GGA3: variants seen among roughly 807,000 people sequenced by gnomAD.
GGA3 encodes the protein ADP-ribosylation factor-binding protein GGA3.
A neutral mutation model predicts 77.5 loss-of-function variants in GGA3; 57 were observed. The ratio of observed to expected loss-of-function variants is 0.74; its 90% CI spans 0.59 to 0.92. The LOEUF (loss-of-function observed/expected upper bound fraction) is 0.92. GGA3 is among the 40% of genes least tolerant of loss of function. The pLI, the probability that GGA3 is intolerant of heterozygous loss-of-function variation, is 0.00. For missense variants in GGA3, 970 were observed against 914.9 expected (o/e 1.06, Z -0.78); for synonymous variants, 416 against 383.7 (o/e 1.08, Z -0.98).
chr17:75,243,672 G>A (rs2076655198), intron 4 of GGA3, 102 bp from the exon 5 acceptor site: 3 of 1,180,846 alleles, frequency 2.5e-6, no homozygotes, highest in Non-Finnish European at 2.4e-6. Flanking sequence ...AGCAGCTATG[G>A]TCCTACTCAA....
upstream of GGA3, chr17:75,262,094 G>C: frequency 1.5e-6 from 2 of 1,297,610 alleles, no homozygotes; most frequent in Non-Finnish European, 2.1e-6. Flanking sequence ...GGAGTATCTG[G>C]ATTCAAGCTT....
At position 75,245,339 on chromosome 17, in the gene GGA3, T is replaced by A. The variant is rs2076716337; in HGVS notation, c.202-622A>T. ...TCTCAGGTGAGGCCTGGCTGACATT[T>A]TGGGCTGGTCATTCTTCGTTGTGGG... On this transcript the variant is annotated intron_variant, in intron 3 of 16. Coordinates refer to ENST00000537686, the MANE Select transcript of GGA3 (RefSeq NM_138619.4). Among the ~76,000 whole-genome samples the A allele has an allele frequency of 2.6e-5, 4 of 152,150 alleles. No individual in the cohort carries two copies. In the South Asian group the frequency reaches 8.3e-4, roughly 31 times the overall value.
At chr17:75,261,728 C>A, upstream of GGA3, 1 of 1,138,188 alleles carries the variant, frequency 8.8e-7, no homozygotes, top group Non-Finnish European at 1.2e-6. Context: ...ACAGGGAGGG[C>A]AAGGGTTTCC....
intron 2 of GGA3, 21 bp downstream of exon 2, chr17:75,246,691 C>T: frequency 1.2e-6 from 2 of 1,602,188 alleles, no homozygotes; most frequent in Non-Finnish European, 1.7e-6. Context: ...TCTCAGCTGC[C>T]CCCACAGTGC....
chr17:75,240,454 C>A (rs888037476), intron 11 of GGA3, 42 bp from the exon 12 acceptor site: 3 of 1,314,300 alleles, frequency 2.3e-6, no homozygotes, highest in African/African-American at 2.9e-5. Context: ...AGGCTCTGAG[C>A]TAGGCAGCCC....
At chr17:75,257,512 G>A (rs2077198042) in intron 1 of GGA3, among the ~76,000 whole-genome samples, 1 of 152,034 alleles carries the variant, frequency 6.6e-6, no homozygotes. Context: ...AATCTCCTTA[G>A]GCACTCTCTA....
intron 1 of GGA3, among the ~76,000 whole-genome samples, chr17:75,248,524 C>T (rs1323836450): frequency 3.6e-5 from 5 of 138,222 alleles, no homozygotes; most frequent in Non-Finnish European, 6.1e-5. Flanking sequence ...CAGTGGCTCA[C>T]GCCTGTAATC....
In GGA3 at chr17:75,238,518, C is replaced by T. The variant is rs755641067; in HGVS notation, c.2062-129G>A. 9.1e-6 allele frequency: 9 copies of T among 988,144 alleles called. No individual in the cohort carries two copies. The South Asian group carries it at 1.0e-4, about 11-fold the overall frequency. The allele number at this position is 988,144 out of a possible 1,614,324, so 61.2% of individuals were successfully genotyped here. A position where few individuals can be genotyped will look rare whatever the true frequency, so the allele number is the denominator to read the frequency against. On this transcript the variant is annotated intron_variant, in intron 16 of 16. Transcript: ENST00000537686. ...CGCAACCCCCAACCATGCTCAGACA[C>T]TTAACCTAAGGCAGCAAAGGGATGT...
Position 75,246,673 on chromosome 17 carries a change from C to T in GGA3, c.125+39G>A. On this transcript the variant is annotated intron_variant, in intron 2 of 16. Transcript: ENST00000537686. Reference sequence around the variant, plus strand: ...GGCCATGGTTGTTCCCCTTCCCAGTCCGCTCCCTCTCAGCTGCCCCCACAG... The same window carrying T: ...GGCCATGGTTGTTCCCCTTCCCAGTTCGCTCCCTCTCAGCTGCCCCCACAG... The T allele has an allele frequency of 1.9e-6, 3 of 1,598,212 alleles. 1 individual carries two copies. In the South Asian group the frequency reaches 3.3e-5, roughly 18 times the overall value.
rs771131815 is a variant in GGA3 at position 75,238,725 on chromosome 17, T to G, written c.1988A>C (p.Glu663Ala). The change falls in exon 16 of 17, where the codon GAA (glutamate) becomes GCA (alanine). Residue 663 changes from glutamate to alanine, a missense_variant. Glu to Ala is a moderately radical substitution (Grantham distance 107). Coordinates refer to ENST00000537686, the MANE Select transcript of GGA3 (RefSeq NM_138619.4). The stretch of plus-strand genomic sequence containing the variant: ...CTGGATGGGGCTAAATGGAGAGAGT[T>G]CTGTCCCAGAAGGTGGCTGCAACTT... The part of the protein sequence containing the change: ...KVKLQPPSGT[E>A]LSPFSPIQPP... The G allele has an allele frequency of 2.5e-6, 4 of 1,613,748 alleles. No homozygotes were observed. In the African/African-American group the frequency reaches 5.3e-5, roughly 22 times the overall value.
intron 1 of GGA3, among the ~76,000 whole-genome samples, chr17:75,249,543 C>T (rs1598424117): frequency 6.6e-6 from 1 of 152,206 alleles, no homozygotes; most frequent in Non-Finnish European, 1.5e-5. Flanking sequence ...GTCTCTCCCA[C>T]CAATTGTCTG....
Position 75,239,448 on chromosome 17 carries a change from G to T in GGA3, c.1707C>A (p.Ser569=). ...SPLFQPLSFQ[S]QGSPPKGPEL... ...CAGGCCCCTTCGGGGGGCTGCCCTG[G>T]GACTGGAAACTCAGTGGCTGGAAGA... The change falls in exon 14 of 17, where the codon TCC becomes TCA. Residue 569 remains serine, a synonymous_variant. Coordinates refer to ENST00000537686, the MANE Select transcript of GGA3 (RefSeq NM_138619.4). 6.3e-7 allele frequency: 1 copy of T among 1,581,010 alleles called. No homozygotes were observed. The highest frequency in any genetic ancestry group is 1.2e-5 in the South Asian group (1 of 86,002).
Position 75,237,512 on chromosome 17 carries a change from C to A in GGA3, c.*767G>T, listed in dbSNP as rs1252635975. 1 of 1,536,020 alleles carries A rather than the reference C, an allele frequency of 6.5e-7. No individual in the cohort carries two copies. The highest frequency in any genetic ancestry group is 2.0e-5 in the Admixed American group (1 of 50,996). The stretch of plus-strand genomic sequence containing the variant: ...CCCACGGCTGGAGGCACGCTTTTCC[C>A]AGAAAGCTGAGTACCTGCTTCTGGA... On this transcript the variant is annotated 3_prime_UTR_variant, in exon 17 of 17. Coordinates refer to ENST00000537686, the MANE Select transcript of GGA3 (RefSeq NM_138619.4).
At position 75,241,487 on chromosome 17, in the gene GGA3, A is replaced by G; in HGVS notation, c.859T>C (p.Ser287Pro). 1 of 1,613,838 alleles carries G rather than the reference A, an allele frequency of 6.2e-7. No individual in the cohort carries two copies. Among genetic ancestry groups the G allele is most frequent in the Non-Finnish European group, 8.5e-7 (1 of 1,179,752 alleles). ...GTTTTGTAAGAGTTGATGACCCGGGAGAGGTTGTCACTGGCTTGCAGGATG... is the reference window on the plus strand; with the variant it reads ...GTTTTGTAAGAGTTGATGACCCGGGGGAGGTTGTCACTGGCTTGCAGGATG... ...GDILQASDNLSRVINSYKTII... is the reference protein window; with the variant it reads ...GDILQASDNLPRVINSYKTII... The change falls in exon 10 of 17, where the codon TCC (serine) becomes CCC (proline). Residue 287 changes from serine to proline, a missense_variant. Physicochemically the swap from Ser to Pro is moderately conservative, Grantham distance 74. Transcript: ENST00000537686.
At position 75,240,838 on chromosome 17, in the gene GGA3, CAGG is replaced by C. The variant is rs2076525978; in HGVS notation, c.1163_1165del (p.Ser388del). The C allele has an allele frequency of 6.2e-7, 1 of 1,612,616 alleles. No individual in the cohort carries two copies. The highest frequency in any genetic ancestry group is 1.3e-5 in the African/African-American group (1 of 74,896). On this transcript the variant is annotated inframe_deletion, in exon 11 of 17. Transcript: ENST00000537686. ...CAAGCAGAGTAGCTCCTCGTCCAGC[CAGG>C]AGAGGGCGTTGCTTGTGCTGCTGGG... is the stretch of plus-strand genomic sequence containing the variant.
rs1023567506 is a variant in GGA3 at position 75,238,027 on chromosome 17, G to A, written c.*252C>T. 2.3e-6 allele frequency: 3 copies of A among 1,288,160 alleles called. No individual in the cohort carries two copies. Among genetic ancestry groups the A allele is most frequent in the African/African-American group, 3.0e-5 (2 of 65,758 alleles). 79.8% of individuals were successfully genotyped at this position (1,288,160 alleles called of 1,614,324 possible). On this transcript the variant is annotated 3_prime_UTR_variant, in exon 17 of 17. Coordinates refer to ENST00000537686, the MANE Select transcript of GGA3 (RefSeq NM_138619.4). ...TTCCCGGGACAGCAGTGAAGTCAGG[G>A]GCCACTCCGCACCCCTGACAGCATA...
rs568892992 is a variant in GGA3 at position 75,242,596 on chromosome 17, T to C, written c.610-123A>G. On this transcript the variant is annotated intron_variant, in intron 7 of 16. Coordinates refer to ENST00000537686, the MANE Select transcript of GGA3 (RefSeq NM_138619.4). ...CTCGGAAGCTCCTTTCAGTGTGGGG[T>C]GCCTGGGGCCCAGTCTATACTTCTG... 17 of 1,160,666 alleles carry C rather than the reference T, an allele frequency of 1.5e-5. No individual in the cohort carries two copies. In the South Asian group the frequency reaches 1.5e-4, roughly 10 times the overall value. The allele number at this position is 1,160,666 out of a possible 1,614,324, so 71.9% of individuals were successfully genotyped here.
rs765713255 is a variant in GGA3 at position 75,240,939 on chromosome 17, G to A, written c.1065C>T (p.Ile355=). ...APTPPSSGIP[I]LPPPPQASGP... Reference sequence around the variant, plus strand: ...CTGAGGCCTGGGGTGGTGGAGGGAGGATTGGGATGCCTGAGGAGGGTGGAG... The same window carrying A: ...CTGAGGCCTGGGGTGGTGGAGGGAGAATTGGGATGCCTGAGGAGGGTGGAG... The change falls in exon 11 of 17, where the codon ATC becomes ATT. Residue 355 remains isoleucine (I), a synonymous_variant. Coordinates refer to ENST00000537686, the MANE Select transcript of GGA3 (RefSeq NM_138619.4). The A allele has an allele frequency of 3.1e-6, 5 of 1,613,932 alleles. No homozygotes were observed. The highest frequency in any genetic ancestry group is 2.2e-5 in the South Asian group (2 of 91,072).
At chr17:75,249,070 G>C (rs1022724674) in intron 1 of GGA3, 1 of 891,786 alleles carries the variant, frequency 1.1e-6, no homozygotes, top group South Asian at 5.2e-5. Flanking sequence ...TTTTGAGATT[G>C]AGTCTCGCTG....
Sources: gnomAD v4.1 joint callset for allele counts (sites outside exome capture counted in the v4.1 genomes callset) on GRCh38, gnomAD v4.1.1 for gene constraint, MANE v1.5 for transcripts, NCBI Gene and HGNC (gene_info 2026-07-23, HGNC 2026-07-21) for gene names.